CDH8: variants seen among roughly 807,000 people sequenced by gnomAD.
The protein encoded by CDH8 is cadherin-8.
In CDH8, 17 loss-of-function variants were observed where a neutral mutation model predicts 68.1. The ratio of observed to expected loss-of-function variants is 0.25; its 90% CI spans 0.17 to 0.37. The LOEUF (loss-of-function observed/expected upper bound fraction) is 0.37, where lower values mean the gene tolerates loss of function less well. Ranked by LOEUF, CDH8 falls within the 10% of genes least tolerant of loss-of-function variation. The pLI is 1.00. For synonymous variants in CDH8, 372 were observed against 365.1 expected (o/e 1.02, Z -0.21); for missense variants, 763 against 999.3 (o/e 0.76, Z 3.19).
chr16:62,028,156 C>T (rs1902239783), intron 1 of CDH8, among the ~76,000 whole-genome samples: 1 of 150,634 alleles, frequency 6.6e-6, no homozygotes, highest in African/African-American at 2.5e-5. Flanking sequence ...CCTCTGCCTC[C>T]TGGGTTCAAG....
At chr16:61,694,931 G>A (rs534778366) in intron 10 of CDH8, among the ~76,000 whole-genome samples, 6 of 151,938 alleles carry the variant, frequency 3.9e-5, no homozygotes, top group African/African-American at 7.2e-5. Flanking sequence ...ACAGGCATGC[G>A]CCACCACGCC....
At chr16:61,782,781 CCT>C (rs1445072952) in intron 8 of CDH8, among the ~76,000 whole-genome samples, 1 of 152,084 alleles carries the variant, frequency 6.6e-6, no homozygotes, top group African/African-American at 2.4e-5. Flanking sequence ...GTCCCTGACC[CCT>C]GACCCCTGAG....
At chr16:61,804,015 A>C (rs1961731911) in intron 7 of CDH8, among the ~76,000 whole-genome samples, 1 of 119,784 alleles carries the variant, frequency 8.3e-6, no homozygotes, top group Non-Finnish European at 1.7e-5. Context: ...CAGAATATAC[A>C]TTTTTTTCAG....
intron 3 of CDH8, among the ~76,000 whole-genome samples, chr16:61,871,651 G>A (rs963720175): frequency 1.3e-5 from 2 of 151,334 alleles, no homozygotes; most frequent in African/African-American, 2.4e-5. Context: ...TGGGAAATGT[G>A]AGAAAACCTT....
chr16:61,959,984 G>GTGTATATATATA lies in CDH8; in HGVS notation c.253-58512_253-58511insTATATATATACA, dbSNP rs1385952323. 9.8e-3 allele frequency among the ~76,000 whole-genome samples: 437 copies of GTGTATATATATA among 44,514 alleles called. 38 individuals are homozygous for GTGTATATATATA. The highest frequency in any genetic ancestry group is 0.034 in the East Asian group (30 of 876). The allele number at this position is 44,514 out of a possible 152,430, so 29.2% of individuals were successfully genotyped here. On this transcript the variant is annotated intron_variant, in intron 2 of 11. Transcript: ENST00000577390. The stretch of plus-strand genomic sequence containing the variant: ...GTATGTGGTGTATGTGTGTGTGTGT[G>GTGTATATATATA]TATATATATATATATATATATATAT...
At chr16:61,880,871 C>T (rs1963561260) in intron 3 of CDH8, among the ~76,000 whole-genome samples, 1 of 152,138 alleles carries the variant, frequency 6.6e-6, no homozygotes, top group South Asian at 2.1e-4. Context: ...ACACCAGAGA[C>T]TCTCTCTCTT....
At chr16:62,029,790 T>C (rs559179386) in intron 1 of CDH8, among the ~76,000 whole-genome samples, 3 of 152,356 alleles carry the variant, frequency 2.0e-5, no homozygotes, top group African/African-American at 7.2e-5. Flanking sequence ...TCCAAGGTGA[T>C]AGCTATATAC....
intron 3 of CDH8, among the ~76,000 whole-genome samples, chr16:61,862,894 C>T (rs1963177128): frequency 6.6e-6 from 1 of 152,166 alleles, no homozygotes; most frequent in Non-Finnish European, 1.5e-5. Flanking sequence ...CCAGGATTCT[C>T]TGTTTGTGTT....
intron 8 of CDH8, among the ~76,000 whole-genome samples, chr16:61,730,979 A>T (rs1959517823): frequency 6.6e-6 from 1 of 151,580 alleles, no homozygotes; most frequent in African/African-American, 2.4e-5. Flanking sequence ...TAGTCTATGG[A>T]AAAAGTCCTA....
At chr16:61,720,053 C>T (rs1457157323) in intron 9 of CDH8, among the ~76,000 whole-genome samples, 2 of 150,408 alleles carry the variant, frequency 1.3e-5, no homozygotes, top group Non-Finnish European at 3.0e-5. Context: ...GGCATGCTAC[C>T]GCACAAGTTT....
intron 2 of CDH8, among the ~76,000 whole-genome samples, chr16:62,015,479 A>C (rs1901914497): frequency 6.6e-6 from 1 of 152,154 alleles, no homozygotes; most frequent in Admixed American, 6.6e-5. Context: ...CCATACACTC[A>C]GAAGTGAGGA....
chr16:61,949,497 C>G (rs1419306938), intron 2 of CDH8, among the ~76,000 whole-genome samples: 1 of 152,074 alleles, frequency 6.6e-6, no homozygotes, highest in Non-Finnish European at 1.5e-5. Context: ...TGTTCTTTCA[C>G]TCTTCACAAT....
chr16:61,819,677 A>T (rs1054199555), intron 6 of CDH8, among the ~76,000 whole-genome samples: 19 of 152,072 alleles, frequency 1.2e-4, no homozygotes, highest in African/African-American at 4.6e-4. Flanking sequence ...CAGTGTTAAG[A>T]TCTCTTCAGT....
chr16:61,896,353 C>T (rs566892158), intron 3 of CDH8, among the ~76,000 whole-genome samples: 2 of 152,342 alleles, frequency 1.3e-5, no homozygotes, highest in Non-Finnish European at 2.9e-5. Flanking sequence ...AGTTCTCAAA[C>T]ATCACATTCA....
At chr16:61,910,967 A>G (rs1029274201) in intron 2 of CDH8, among the ~76,000 whole-genome samples, 14 of 152,190 alleles carry the variant, frequency 9.2e-5, no homozygotes, top group East Asian at 1.9e-4. Context: ...TTCAATAAGC[A>G]ATGATATAAA....
intron 3 of CDH8, among the ~76,000 whole-genome samples, chr16:61,877,800 T>C (rs950317408): frequency 2.0e-5 from 3 of 152,088 alleles, no homozygotes; most frequent in African/African-American, 7.2e-5. Context: ...GGGAAAAATA[T>C]TAGAGAATTT....
chr16:61,944,120 G>A (rs146396440), intron 2 of CDH8, among the ~76,000 whole-genome samples: 1 of 152,196 alleles, frequency 6.6e-6, no homozygotes, highest in African/African-American at 2.4e-5. Context: ...AACCATGGAG[G>A]CTTGGAGAGC....
chr16:61,711,268 A>G (rs1964625847), intron 10 of CDH8, among the ~76,000 whole-genome samples: 1 of 151,886 alleles, frequency 6.6e-6, no homozygotes, highest in African/African-American at 2.4e-5. Context: ...AATTACAATA[A>G]TTTTGAATTG....
intron 2 of CDH8, among the ~76,000 whole-genome samples, chr16:62,003,471 A>T (rs1249710618): frequency 6.6e-6 from 1 of 152,212 alleles, no homozygotes; most frequent in Non-Finnish European, 1.5e-5. Flanking sequence ...ATTATAATTC[A>T]TAGTATTATG....
Sources: allele counts gnomAD v4.1 joint callset (sites outside exome capture counted in the v4.1 genomes callset), GRCh38; gene constraint gnomAD v4.1.1; transcripts MANE v1.5; gene names NCBI Gene and HGNC (gene_info 2026-07-23, HGNC 2026-07-21).